Variants in TRAPPC10 observed in about 807,000 individuals in gnomAD.
TRAPPC10 encodes trafficking protein particle complex subunit 10.
TRAPPC10 carries 23 observed loss-of-function variants against 125.5 expected under a neutral mutation model. The observed-to-expected ratio is 0.18, with a 90% CI of 0.13 to 0.26. The LOEUF (loss-of-function observed/expected upper bound fraction) is 0.26. TRAPPC10 is among the 10% of genes least tolerant of loss of function. The probability of loss-of-function intolerance (pLI) is 1.00; values close to 1 mark genes in which losing one functional copy is unlikely to be tolerated. For synonymous variants in TRAPPC10, 509 were observed against 518.0 expected (o/e 0.98, Z 0.24); for missense variants, 1,123 against 1,308.4 (o/e 0.86, Z 2.19).
At chr21:44,088,220 G>T in intron 17 of TRAPPC10, 1 of 446,300 alleles carries the variant, frequency 2.2e-6, no homozygotes, top group Admixed American at 3.6e-5. Flanking sequence ...CGTAAAACTT[G>T]GGTCATGTCC....
intron 6 of TRAPPC10, chr21:44,062,534 A>G (rs2036136102): frequency 8.1e-6 from 8 of 985,294 alleles, no homozygotes; most frequent in Non-Finnish European, 8.4e-6. Flanking sequence ...CCCCGTGAGA[A>G]TCCTGTGGGA....
chr21:44,075,609 C>A (rs548822840), intron 9 of TRAPPC10, among the ~76,000 whole-genome samples: 5 of 152,252 alleles, frequency 3.3e-5, no homozygotes, highest in Non-Finnish European at 7.4e-5. Flanking sequence ...CCTCACCCTC[C>A]CAGGTAGCTG....
chr21:44,068,427 A>G (rs529608639), intron 7 of TRAPPC10, among the ~76,000 whole-genome samples: 1 of 152,172 alleles, frequency 6.6e-6, no homozygotes, highest in African/African-American at 2.4e-5. Context: ...GAAATTCTGA[A>G]GTTCTTTGTG....
chr21:44,075,685 T>A (rs938312485), intron 9 of TRAPPC10, among the ~76,000 whole-genome samples: 4 of 152,190 alleles, frequency 2.6e-5, no homozygotes, highest in Non-Finnish European at 5.9e-5. Context: ...GGAGTCTCGC[T>A]GTATTGCCCA....
intron 9 of TRAPPC10, among the ~76,000 whole-genome samples, chr21:44,075,839 C>G (rs1157327376): frequency 1.3e-5 from 2 of 152,120 alleles, no homozygotes; most frequent in Non-Finnish European, 2.9e-5. Flanking sequence ...CACCTGAGGT[C>G]AGGAATTCGA....
intron 6 of TRAPPC10, among the ~76,000 whole-genome samples, chr21:44,061,198 G>C (rs1008545145): frequency 6.6e-6 from 1 of 151,934 alleles, no homozygotes; most frequent in African/African-American, 2.4e-5. Flanking sequence ...GTGCAGTGGC[G>C]CCATCTCGGC....
intron 3 of TRAPPC10, among the ~76,000 whole-genome samples, chr21:44,040,710 C>T (rs1428683247): frequency 1.3e-5 from 2 of 151,940 alleles, no homozygotes; most frequent in Admixed American, 6.6e-5. Context: ...CAACCTCCGC[C>T]CCTCTAGGCT....
intron 1 of TRAPPC10, among the ~76,000 whole-genome samples, chr21:44,024,968 C>T (rs1361701584): frequency 1.3e-5 from 2 of 152,206 alleles, no homozygotes; most frequent in Non-Finnish European, 1.5e-5. Flanking sequence ...TCACTTTCCC[C>T]CGGACTCCAC....
chr21:44,077,543 C>T (rs927390532), intron 10 of TRAPPC10, 150 bp from the exon 11 acceptor site: 37 of 485,316 alleles, frequency 7.6e-5, no homozygotes, highest in African/African-American at 6.8e-4. Context: ...TGAGATCTCA[C>T]CGCTGTGCTC....
At chr21:44,051,538 G>T (rs1023603903) in intron 3 of TRAPPC10, among the ~76,000 whole-genome samples, 33 of 152,200 alleles carry the variant, frequency 2.2e-4, no homozygotes, top group African/African-American at 8.0e-4. Context: ...AGAGAACCAA[G>T]CTGAAGGCCT....
At chr21:44,040,972 G>A (rs574725068) in intron 3 of TRAPPC10, among the ~76,000 whole-genome samples, 4 of 152,116 alleles carry the variant, frequency 2.6e-5, no homozygotes, top group African/African-American at 7.2e-5. Context: ...ATCCCACTTA[G>A]TCATAGTATT....
chr21:44,035,040 A>G (rs1003220761), intron 2 of TRAPPC10, among the ~76,000 whole-genome samples: 1 of 152,174 alleles, frequency 6.6e-6, no homozygotes, highest in African/African-American at 2.4e-5. Flanking sequence ...AGGTCTGGAA[A>G]CTCATGCAGG....
chr21:44,061,159 C>T (rs778996240), intron 6 of TRAPPC10, among the ~76,000 whole-genome samples: 13 of 151,692 alleles, frequency 8.6e-5, no homozygotes, highest in South Asian at 2.1e-4. Flanking sequence ...TTTTTTGAGA[C>T]GGAGTCTTGC....
rs774327732 is a variant in TRAPPC10 at position 44,032,171 on chromosome 21, A to C, written c.148A>C (p.Arg50=). The C allele has an allele frequency of 2.7e-5, 44 of 1,612,302 alleles. No homozygotes were observed. The Admixed American group carries it at 7.4e-4, about 27-fold the overall frequency. Residue 50 remains arginine, a splice_region_variant and synonymous_variant, in exon 2 of 23, where the codon AGG becomes CGG. Transcript: ENST00000291574. ...QLPREPMEWR[R]SYGRAPKMIH... ...TCCAAGAGAACCAATGGAATGGAGA[A>C]GGTATGAGTTGTGTGTTTTTTGGCT...
chr21:44,025,786 T>C (rs1306487948), intron 1 of TRAPPC10, among the ~76,000 whole-genome samples: 1 of 151,446 alleles, frequency 6.6e-6, no homozygotes, highest in Non-Finnish European at 1.5e-5. Context: ...TATTGTCATA[T>C]GACTGGGTGC....
At chr21:44,033,676 C>T (rs2033766237) in intron 2 of TRAPPC10, among the ~76,000 whole-genome samples, 1 of 152,064 alleles carries the variant, frequency 6.6e-6, no homozygotes, top group African/African-American at 2.4e-5. Flanking sequence ...GCCTGAGCAA[C>T]ATAGTGAAAC....
chr21:44,081,017 C>CTTTTTTTTT (rs67865929), intron 13 of TRAPPC10, among the ~76,000 whole-genome samples: 66 of 97,224 alleles, frequency 6.8e-4, no homozygotes, highest in Non-Finnish European at 1.1e-3. Context: ...TTTTTTTTTT[C>CTTTTTTTTT]TTTTTTTTTT....
At chr21:44,074,755 A>G (rs1010053107) in intron 8 of TRAPPC10, among the ~76,000 whole-genome samples, 1 of 152,234 alleles carries the variant, frequency 6.6e-6, no homozygotes, top group Non-Finnish European at 1.5e-5. Flanking sequence ...CTCACCAGGC[A>G]GAGCTGTGCT....
chr21:44,027,472 C>G (rs2033175421), intron 1 of TRAPPC10, among the ~76,000 whole-genome samples: 1 of 152,186 alleles, frequency 6.6e-6, no homozygotes, highest in African/African-American at 2.4e-5. Flanking sequence ...ACAACTGCTG[C>G]AGAGTAAGTA....
Sources: allele counts gnomAD v4.1 joint callset (sites outside exome capture counted in the v4.1 genomes callset), GRCh38; gene constraint gnomAD v4.1.1; transcripts MANE v1.5; gene names NCBI Gene and HGNC (gene_info 2026-07-23, HGNC 2026-07-21).